SLC67A2: variants seen among roughly 807,000 people sequenced by gnomAD.
SLC67A2 encodes the protein solute carrier family 67 member A2.
At chr2:102,726,939 G>A in the SLC67A2 span, 1 of 1,613,536 alleles carries the variant, frequency 6.2e-7, no homozygotes, top group South Asian at 1.1e-5. Context: ...ATGCCAGCAA[G>A]GAAGACCGTC....
chr2:102,723,724 A>G, the SLC67A2 span: 2 of 1,614,228 alleles, frequency 1.2e-6, no homozygotes, highest in South Asian at 2.2e-5. Context: ...AAGACCAAAA[A>G]GCAGATGAAG....
the SLC67A2 span, among the ~76,000 whole-genome samples, chr2:102,725,620 C>T: frequency 6.6e-5 from 10 of 152,146 alleles, no homozygotes; most frequent in Non-Finnish European, 1.5e-5. Context: ...TTGTGTGGTA[C>T]TGGGGTTTGT....
chr2:102,732,168 G>A, the SLC67A2 span: 1 of 749,092 alleles, frequency 1.3e-6, no homozygotes, highest in East Asian at 2.7e-5. Context: ...ATTTGCTATA[G>A]GGTAATATTT....
chr2:102,729,071 T>G, the SLC67A2 span, among the ~76,000 whole-genome samples: 6 of 152,314 alleles, frequency 3.9e-5, no homozygotes, highest in African/African-American at 1.4e-4. Context: ...AAATTAAAAG[T>G]TTTTTGGTAA....
chr2:102,731,128 TG>T, the SLC67A2 span: 1 of 1,435,052 alleles, frequency 7.0e-7, no homozygotes, highest in Non-Finnish European at 9.8e-7. Flanking sequence ...AATGGATTAA[TG>T]TGATAACAAT....
At chr2:102,723,010 A>T in the SLC67A2 span, among the ~76,000 whole-genome samples, 2 of 152,254 alleles carry the variant, frequency 1.3e-5, no homozygotes, top group Admixed American at 6.5e-5. Context: ...AAATCTGAAT[A>T]GACATTTCTC....
At chr2:102,725,600 C>T in the SLC67A2 span, among the ~76,000 whole-genome samples, 1 of 152,144 alleles carries the variant, frequency 6.6e-6, no homozygotes, top group Non-Finnish European at 1.5e-5. Context: ...CAATGGCTAT[C>T]ACTTGGATTT....
chr2:102,736,430 G>C, the SLC67A2 span: 1 of 1,318,540 alleles, frequency 7.6e-7, no homozygotes, highest in Non-Finnish European at 1.0e-6. Context: ...CGAACGGGGT[G>C]CAAGAGAAAG....
the SLC67A2 span, chr2:102,736,693 CG>C: frequency 4.0e-4 from 652 of 1,613,454 alleles, 3 homozygotes; most frequent in Middle Eastern, 4.1e-3. Flanking sequence ...CGGGCTCCGA[CG>C]GCACCGGAGT....
the SLC67A2 span, chr2:102,726,812 GT>G: frequency 7.0e-7 from 1 of 1,434,626 alleles, no homozygotes; most frequent in African/African-American, 1.9e-5. Flanking sequence ...GGGAAGCTAC[GT>G]TTGAAAAAAA....
the SLC67A2 span, among the ~76,000 whole-genome samples, chr2:102,715,084 C>T: frequency 1.3e-5 from 2 of 152,324 alleles, no homozygotes; most frequent in East Asian, 3.9e-4. Context: ...TGCCTGCTGT[C>T]CCTGTCCTCG....
chr2:102,732,400 C>A, the SLC67A2 span: 1 of 1,609,472 alleles, frequency 6.2e-7, no homozygotes, highest in Non-Finnish European at 8.5e-7. Context: ...ATGCTGACAC[C>A]AAACAAATCC....
chr2:102,726,911 G>C, the SLC67A2 span: 1 of 1,612,686 alleles, frequency 6.2e-7, no homozygotes, highest in Non-Finnish European at 8.5e-7. Flanking sequence ...AGATAGCCCA[G>C]AGCACTGAGT....
the SLC67A2 span, chr2:102,719,249 C>A: frequency 1.6e-5 from 25 of 1,575,288 alleles, no homozygotes; most frequent in African/African-American, 3.4e-4. Context: ...TCTGAATGCA[C>A]TGAATCCATA....
the SLC67A2 span, chr2:102,732,155 TG>T: frequency 2.7e-6 from 2 of 733,612 alleles, no homozygotes; most frequent in South Asian, 3.0e-5. Context: ...AAAAAGGAAT[TG>T]CATTTGCTAT....
At chr2:102,724,009 CTCTGGTT>C in the SLC67A2 span, 1 of 1,018,926 alleles carries the variant, frequency 9.8e-7, no homozygotes, top group Non-Finnish European at 1.5e-6. Flanking sequence ...GAGTTCTGAT[CTCTGGTT>C]TCTTTGGAAG....
the SLC67A2 span, among the ~76,000 whole-genome samples, chr2:102,728,560 A>C: frequency 6.6e-6 from 1 of 152,190 alleles, no homozygotes; most frequent in African/African-American, 2.4e-5. Flanking sequence ...ATCCTTCTAT[A>C]GGTGTCTTCA....
the SLC67A2 span, chr2:102,727,111 C>A: frequency 2.3e-6 from 2 of 859,912 alleles, no homozygotes; most frequent in Non-Finnish European, 3.3e-6. Flanking sequence ...TTCCATGATG[C>A]CATTTGTCAG....
chr2:102,717,673 C>G, the SLC67A2 span: 9 of 152,172 alleles, frequency 5.9e-5, no homozygotes, highest in Admixed American at 3.9e-4. Flanking sequence ...ATTACAAACA[C>G]AATTTTAAGA....
Sources: allele counts gnomAD v4.1 joint callset (sites outside exome capture counted in the v4.1 genomes callset), GRCh38; gene constraint gnomAD v4.1.1; transcripts MANE v1.5; gene names NCBI Gene and HGNC (gene_info 2026-07-23, HGNC 2026-07-21).